ELOVL6: variants seen among roughly 807,000 people sequenced by gnomAD.
ELOVL6 encodes very long chain fatty acid elongase 6.
In ELOVL6, 8 loss-of-function variants were observed where a neutral mutation model predicts 31.7. The ratio of observed to expected loss-of-function variants is 0.25; its 90% CI spans 0.15 to 0.45. The LOEUF (loss-of-function observed/expected upper bound fraction) is 0.45. Among genes scored for constraint, ELOVL6 ranks in the 20% least tolerant of loss-of-function variants. The pLI, the probability that ELOVL6 is intolerant of heterozygous loss-of-function variation, is 1.00. For missense variants in ELOVL6, 126 were observed against 326.4 expected, an observed-to-expected ratio of 0.39 and a Z score of 4.73; for synonymous variants, 101 against 117.7, an observed-to-expected ratio of 0.86 and a Z score of 0.92.
intron 1 of ELOVL6, among the ~76,000 whole-genome samples, chr4:110,181,600 TC>T (rs1293633573): frequency 1.7e-5 from 2 of 115,934 alleles, no homozygotes; most frequent in Non-Finnish European, 3.4e-5. Context: ...GTTAACTTGA[TC>T]AACTACAGGG....
At chr4:110,085,170 C>G (rs560362507) in intron 2 of ELOVL6, among the ~76,000 whole-genome samples, 27 of 152,150 alleles carry the variant, frequency 1.8e-4, no homozygotes, top group Admixed American at 1.5e-3. Context: ...TATGTGCATG[C>G]GTTGGAGGGA....
chr4:110,056,995 G>C (rs1755005095), intron 3 of ELOVL6, among the ~76,000 whole-genome samples: 1 of 152,138 alleles, frequency 6.6e-6, no homozygotes, highest in Admixed American at 6.5e-5. Flanking sequence ...TACACTAATA[G>C]GTCTTCTCTA....
intron 1 of ELOVL6, among the ~76,000 whole-genome samples, chr4:110,140,711 A>G (rs545086298): frequency 6.6e-6 from 1 of 151,740 alleles, no homozygotes; most frequent in South Asian, 2.1e-4. Flanking sequence ...TTATTGCCCA[A>G]GTGACTTCAA....
At chr4:110,167,199 T>C (rs1429096387) in intron 1 of ELOVL6, among the ~76,000 whole-genome samples, 1 of 152,222 alleles carries the variant, frequency 6.6e-6, no homozygotes, top group Non-Finnish European at 1.5e-5. Flanking sequence ...GAGACACACT[T>C]CTGGTTCTCA....
At chr4:110,119,177 AT>A (rs1415537048) in intron 1 of ELOVL6, among the ~76,000 whole-genome samples, 3 of 152,146 alleles carry the variant, frequency 2.0e-5, no homozygotes, top group African/African-American at 7.2e-5. Context: ...CATGCCTGAA[AT>A]CCCAGCACTT....
At position 110,105,368 on chromosome 4, in the gene ELOVL6, C is replaced by T; in HGVS notation, c.221+129G>A. 3 of 993,866 alleles carry T rather than the reference C, an allele frequency of 3.0e-6. No individual in the cohort carries two copies. The South Asian group carries it at 4.9e-5, about 16-fold the overall frequency. 61.6% of individuals were successfully genotyped at this position (993,866 alleles called of 1,614,324 possible). On this transcript the variant is annotated intron_variant, in intron 2 of 3. Transcript: ENST00000302274. ...GTGAAGGCTTTCTTTCTGAACATGA[C>T]TTTATTTTATGTCCTCATCATATTC...
chr4:110,137,222 G>A (rs1038375024), intron 1 of ELOVL6, among the ~76,000 whole-genome samples: 2 of 152,170 alleles, frequency 1.3e-5, no homozygotes, highest in Non-Finnish European at 2.9e-5. Flanking sequence ...AGAATTCCGT[G>A]ATTCTCTGAC....
At chr4:110,156,782 T>G (rs1006217271) in intron 1 of ELOVL6, among the ~76,000 whole-genome samples, 1 of 152,220 alleles carries the variant, frequency 6.6e-6, no homozygotes, top group South Asian at 2.1e-4. Context: ...CTTTAAGCAG[T>G]TAGTTTTATA....
At chr4:110,159,003 A>G (rs950357438) in intron 1 of ELOVL6, among the ~76,000 whole-genome samples, 5 of 152,056 alleles carry the variant, frequency 3.3e-5, no homozygotes, top group Admixed American at 1.3e-4. Context: ...CATGACTCAC[A>G]AAATCTGAAT....
intron 1 of ELOVL6, among the ~76,000 whole-genome samples, chr4:110,120,060 C>G (rs1049449957): frequency 1.3e-5 from 2 of 152,168 alleles, no homozygotes; most frequent in Non-Finnish European, 2.9e-5. Context: ...TGTGACTCAA[C>G]ATTCCTTTGA....
chr4:110,180,573 T>A (rs1199741464), intron 1 of ELOVL6, among the ~76,000 whole-genome samples: 1 of 152,182 alleles, frequency 6.6e-6, no homozygotes, highest in African/African-American at 2.4e-5. Flanking sequence ...TTATTTTTAT[T>A]TTTTTAATAA....
chr4:110,121,701 AAAAAAAGTAGTAGTT>A (rs1182756652), intron 1 of ELOVL6, among the ~76,000 whole-genome samples: 1 of 152,194 alleles, frequency 6.6e-6, no homozygotes, highest in Non-Finnish European at 1.5e-5. Context: ...TCTGTCTCAA[AAAAAAAGTAGTAGTT>A]TTTATCATCC....
At chr4:110,080,704 C>A (rs28784911) in intron 2 of ELOVL6, among the ~76,000 whole-genome samples, 84,766 of 151,740 alleles carry the variant, frequency 0.56, 25,072 homozygotes, top group African/African-American at 0.76. Context: ...CCCTCTCTCA[C>A]CACTCCTATT....
intron 2 of ELOVL6, among the ~76,000 whole-genome samples, chr4:110,090,533 C>T (rs946865553): frequency 1.9e-4 from 29 of 151,524 alleles, no homozygotes; most frequent in Non-Finnish European, 3.2e-4. Flanking sequence ...ACAAGAGTGA[C>T]AGGGCTCCTC....
chr4:110,080,360 A>G (rs1027231920), intron 2 of ELOVL6, among the ~76,000 whole-genome samples: 15 of 152,200 alleles, frequency 9.9e-5, no homozygotes, highest in African/African-American at 3.6e-4. Context: ...CTGGCAAACC[A>G]AATCCAGCAG....
At chr4:110,179,673 A>G (rs1384493236) in intron 1 of ELOVL6, among the ~76,000 whole-genome samples, 1 of 152,238 alleles carries the variant, frequency 6.6e-6, no homozygotes, top group Non-Finnish European at 1.5e-5. Flanking sequence ...CTTAATTTAT[A>G]TAATGCTTTG....
chr4:110,078,058 G>A lies in ELOVL6; in HGVS notation c.222-18304C>T, dbSNP rs542594826. Among the ~76,000 whole-genome samples the A allele has an allele frequency of 8.5e-5, 13 of 152,294 alleles. No homozygotes were observed. In the South Asian group the frequency reaches 2.7e-3, roughly 32 times the overall value. ...TAGAGAAAAAAGAATAAAAAGAAAT[G>A]AACAAAGCCTCCAAGAAATACGGGA... is the stretch of plus-strand genomic sequence containing the variant. On this transcript the variant is annotated intron_variant, in intron 2 of 3. Transcript: ENST00000302274.
At chr4:110,096,775 G>A (rs1429704185) in intron 2 of ELOVL6, among the ~76,000 whole-genome samples, 4 of 152,098 alleles carry the variant, frequency 2.6e-5, no homozygotes, top group Non-Finnish European at 2.9e-5. Context: ...TCCTGTAGCT[G>A]CAATTTGTTA....
chr4:110,130,004 TCTC>T (rs1313458731), intron 1 of ELOVL6, among the ~76,000 whole-genome samples: 4 of 150,442 alleles, frequency 2.7e-5, no homozygotes, highest in Admixed American at 1.3e-4. Context: ...TTCAAGCAGT[TCTC>T]CTGCCTCAGC....
Sources: gnomAD v4.1 joint callset for allele counts (sites outside exome capture counted in the v4.1 genomes callset) on GRCh38, gnomAD v4.1.1 for gene constraint, MANE v1.5 for transcripts, NCBI Gene and HGNC (gene_info 2026-07-23, HGNC 2026-07-21) for gene names.